Variants in MAST2 observed in about 807,000 individuals in gnomAD.
MAST2 encodes the protein microtubule-associated serine/threonine-protein kinase 2.
MAST2 carries 70 observed loss-of-function variants against 147.4 expected under a neutral mutation model. The ratio of observed to expected loss-of-function variants is 0.47; its 90% CI spans 0.39 to 0.58. MAST2 has a LOEUF of 0.58. Ranked by LOEUF, MAST2 falls within the 20% of genes least tolerant of loss-of-function variation. The pLI is 0.00. For synonymous variants in MAST2, 869 were observed against 896.8 expected, an observed-to-expected ratio of 0.97 and a Z score of 0.55; for missense variants, 2,080 against 2,302.3, an observed-to-expected ratio of 0.90 and a Z score of 1.98.
intron 4 of MAST2, among the ~76,000 whole-genome samples, chr1:45,905,027 T>C (rs1301418624): frequency 6.6e-6 from 1 of 152,040 alleles, no homozygotes; most frequent in African/African-American, 2.4e-5. Flanking sequence ...CTCATCTTGG[T>C]CTCATACTCC....
chr1:45,925,169 T>C (rs946828082), intron 4 of MAST2, among the ~76,000 whole-genome samples: 11 of 152,202 alleles, frequency 7.2e-5, no homozygotes, highest in Non-Finnish European at 1.3e-4. Context: ...GGGATGGTCT[T>C]AGGACCTTAC....
At chr1:45,828,199 G>C (rs1644850580) in intron 2 of MAST2, among the ~76,000 whole-genome samples, 1 of 152,116 alleles carries the variant, frequency 6.6e-6, no homozygotes. Flanking sequence ...TTGCTAAATT[G>C]TTCTCCAAAT....
intron 3 of MAST2, among the ~76,000 whole-genome samples, chr1:45,880,373 G>A (rs1265052442): frequency 6.6e-6 from 1 of 152,184 alleles, no homozygotes; most frequent in Non-Finnish European, 1.5e-5. Context: ...GACATAATGA[G>A]AATAATATTT....
At chr1:45,900,351 C>T (rs1308124604) in intron 4 of MAST2, among the ~76,000 whole-genome samples, 1 of 151,780 alleles carries the variant, frequency 6.6e-6, no homozygotes, top group African/African-American at 2.4e-5. Flanking sequence ...TCTCTGCATC[C>T]TCACCAACAT....
In MAST2 at chr1:46,033,663, G is replaced by A; in HGVS notation, c.3538-139G>A. On this transcript the variant is annotated intron_variant, in intron 26 of 28. Transcript: ENST00000361297. The stretch of plus-strand genomic sequence containing the variant: ...CCTCATCTGTAAAAACAATAATATA[G>A]GCCTGTGGTTCAGATGTGTTGGTGC... The A allele has an allele frequency of 4.6e-6, 5 of 1,096,690 alleles. No individual in the cohort carries two copies. The South Asian group carries it at 6.3e-5, about 14-fold the overall frequency. 67.9% of individuals were successfully genotyped at this position (1,096,690 alleles called of 1,614,324 possible). A position where few individuals can be genotyped will look rare whatever the true frequency, so the allele number is the denominator to read the frequency against.
chr1:45,822,620 G>A (rs1644672248), intron 1 of MAST2, among the ~76,000 whole-genome samples: 1 of 152,166 alleles, frequency 6.6e-6, no homozygotes. Flanking sequence ...GCAGCTGGTT[G>A]TAAGTTTTTT....
At chr1:45,919,160 A>G (rs559277199) in intron 4 of MAST2, among the ~76,000 whole-genome samples, 18 of 152,244 alleles carry the variant, frequency 1.2e-4, no homozygotes, top group African/African-American at 4.3e-4. Context: ...TTATAGTTAG[A>G]AGGCCACTAG....
chr1:45,819,690 GA>G (rs1273066356), intron 1 of MAST2, among the ~76,000 whole-genome samples: 5 of 152,068 alleles, frequency 3.3e-5, no homozygotes, highest in African/African-American at 1.2e-4. Flanking sequence ...GCAAGAAATT[GA>G]AGAGGACATT....
chr1:45,814,036 T>A (rs1285665221), intron 1 of MAST2, among the ~76,000 whole-genome samples: 1 of 152,214 alleles, frequency 6.6e-6, no homozygotes, highest in Non-Finnish European at 1.5e-5. Context: ...ACACATTACA[T>A]GTTCATGGTA....
intron 1 of MAST2, among the ~76,000 whole-genome samples, chr1:45,813,486 C>T (rs999424560): frequency 1.4e-5 from 2 of 147,502 alleles, no homozygotes; most frequent in Non-Finnish European, 3.0e-5. Flanking sequence ...GCCGCCACCA[C>T]GCCTGGCCAA....
At chr1:45,958,554 CT>C (rs1659978478) in intron 4 of MAST2, among the ~76,000 whole-genome samples, 1 of 151,302 alleles carries the variant, frequency 6.6e-6, no homozygotes, top group African/African-American at 2.4e-5. Flanking sequence ...CTCTCCCCCT[CT>C]CCCTCTCTCT....
At chr1:45,954,102 G>A (rs1659325069) in intron 4 of MAST2, among the ~76,000 whole-genome samples, 3 of 152,102 alleles carry the variant, frequency 2.0e-5, no homozygotes, top group Admixed American at 2.0e-4. Context: ...AAAGGTGCCT[G>A]CCAAGTACTA....
At chr1:45,880,301 A>T (rs905558684) in intron 3 of MAST2, among the ~76,000 whole-genome samples, 1 of 152,230 alleles carries the variant, frequency 6.6e-6, no homozygotes, top group Non-Finnish European at 1.5e-5. Flanking sequence ...CTATGTAAAA[A>T]GGTTTATATT....
At chr1:46,012,192 A>G (rs1645742944) in intron 10 of MAST2, among the ~76,000 whole-genome samples, 2 of 152,246 alleles carry the variant, frequency 1.3e-5, no homozygotes, top group African/African-American at 4.8e-5. Context: ...CCAGAGACAT[A>G]TAGGAATCAG....
Position 45,923,163 on chromosome 1 carries a change from C to T in MAST2, c.501-36223C>T, listed in dbSNP as rs566419323. 2.6e-5 allele frequency among the ~76,000 whole-genome samples: 4 copies of T among 152,262 alleles called. No individual in the cohort carries two copies. The South Asian group carries it at 6.2e-4, about 24-fold the overall frequency. ...CCTCTGTGCACTTCTCTCCCACTGG[C>T]GGACGGCTCAGCTCAGCCTGGCCCA... On this transcript the variant is annotated intron_variant, in intron 4 of 28. Transcript: ENST00000361297.
At chr1:45,877,439 A>T (rs772192741) in intron 3 of MAST2, among the ~76,000 whole-genome samples, 7 of 152,146 alleles carry the variant, frequency 4.6e-5, no homozygotes, top group Non-Finnish European at 1.0e-4. Flanking sequence ...AGAAGGCCTC[A>T]TGACCTAATC....
rs898365932 is a variant in MAST2, at chr1:45,937,056, T to C, written c.501-22330T>C. ...CCATGCCTGGGCTTTTTTTTTTTTT[T>C]CTCCAGTCACTTTTGTTTTTATTTA... On this transcript the variant is annotated intron_variant, in intron 4 of 28. Transcript: ENST00000361297. Among the ~76,000 whole-genome samples, 308 of 94,980 alleles carry C rather than the reference T, an allele frequency of 3.2e-3. 5 individuals are homozygous for C. Among genetic ancestry groups the C allele is most frequent in the African/African-American group, 0.012 (281 of 23,782 alleles). The allele number at this position is 94,980 out of a possible 152,430, so 62.3% of individuals were successfully genotyped here. A position where few individuals can be genotyped will look rare whatever the true frequency, so the allele number is the denominator to read the frequency against.
intron 8 of MAST2, among the ~76,000 whole-genome samples, chr1:46,006,758 C>T (rs1645504361): frequency 6.6e-6 from 1 of 152,178 alleles, no homozygotes; most frequent in African/African-American, 2.4e-5. Context: ...AGGTATTTAA[C>T]AATACTGTCA....
chr1:45,828,210 G>A (rs1248423844), intron 2 of MAST2, among the ~76,000 whole-genome samples: 1 of 152,116 alleles, frequency 6.6e-6, no homozygotes, highest in African/African-American at 2.4e-5. Flanking sequence ...TTCTCCAAAT[G>A]AATTGTATCA....
Sources: gnomAD v4.1 joint callset for allele counts (sites outside exome capture counted in the v4.1 genomes callset) on GRCh38, gnomAD v4.1.1 for gene constraint, MANE v1.5 for transcripts, NCBI Gene and HGNC (gene_info 2026-07-23, HGNC 2026-07-21) for gene names.